The following RC3H2 variants were observed in gnomAD, a reference collection of about 807,000 sequenced individuals.
RC3H2 encodes roquin-2.
Under a neutral mutation model 133.3 loss-of-function variants are expected in RC3H2, and 31 were observed. The observed-to-expected ratio is 0.23, with a 90% CI of 0.17 to 0.31. RC3H2 has a LOEUF of 0.31. Ranked by LOEUF, RC3H2 falls within the 10% of genes least tolerant of loss-of-function variation. The pLI is 1.00. For synonymous variants in RC3H2, 517 were observed against 502.2 expected (o/e 1.03, Z -0.40); for missense variants, 1,175 against 1,437.2 (o/e 0.82, Z 2.95).
chr9:122,864,912 C>T (rs190060816), intron 10 of RC3H2, among the ~76,000 whole-genome samples: 145 of 152,220 alleles, frequency 9.5e-4, no homozygotes, highest in Admixed American at 3.0e-3. Context: ...GTGTGAACCA[C>T]TGCACCCGGC....
At chr9:122,866,907 TCTGGAAAGTGAGAAGCGTCTGCCCGGC>T (rs1214659645) in intron 9 of RC3H2, among the ~76,000 whole-genome samples, 2 of 143,364 alleles carry the variant, frequency 1.4e-5, no homozygotes, top group Non-Finnish European at 3.0e-5. Context: ...GGCTGCCCAG[TCTGGAAAGTGAGAAGCGTCTGCCCGGC>T]CGCCATCCCA....
intron 16 of RC3H2, 43 bp from the exon 17 acceptor site, chr9:122,854,309 T>A: frequency 2.7e-6 from 4 of 1,487,194 alleles, no homozygotes; most frequent in Admixed American, 1.7e-5. Context: ...GTGAAGTGAA[T>A]GAAGCAACAA....
chr9:122,867,580 G>A (rs1830765844), intron 9 of RC3H2, among the ~76,000 whole-genome samples: 2 of 120,898 alleles, frequency 1.7e-5, no homozygotes, highest in African/African-American at 3.0e-5. Flanking sequence ...TGGAAAGTGA[G>A]AAGCGTCTGC....
At chr9:122,882,135 TATC>T (rs1379834664) in intron 5 of RC3H2, among the ~76,000 whole-genome samples, 3 of 152,134 alleles carry the variant, frequency 2.0e-5, no homozygotes, top group African/African-American at 7.2e-5. Context: ...CCAGAGAAAT[TATC>T]ATCAGGGTAT....
rs1165207939 is a variant in RC3H2, at chr9:122,854,205, A to G, written c.2962T>C (p.Leu988=). 1 of 1,613,990 alleles carries G rather than the reference A, an allele frequency of 6.2e-7. No individual in the cohort carries two copies. Among genetic ancestry groups the G allele is most frequent in the Non-Finnish European group, 8.5e-7 (1 of 1,179,972 alleles). The part of the protein sequence containing the change: ...HRKHSSTGDL[L]SLELQQAKSN... Reference sequence around the variant, plus strand: ...CCTACCTGCTGAAGTTCAAGGCTCAAAAGGTCCCCAGTACTGGAATGCTTT... The same window carrying G: ...CCTACCTGCTGAAGTTCAAGGCTCAGAAGGTCCCCAGTACTGGAATGCTTT... Residue 988 remains leucine (L), a synonymous_variant, in exon 17 of 21, where the codon TTG becomes CTG. Transcript: ENST00000357244.
chr9:122,850,130 C>A lies in RC3H2; in HGVS notation c.3381-308G>T, dbSNP rs370280917. Among the ~76,000 whole-genome samples, 3 of 152,056 alleles carry A rather than the reference C, an allele frequency of 2.0e-5. No individual in the cohort carries two copies. In the East Asian group the frequency reaches 5.8e-4, roughly 30 times the overall value. ...TAGCTGGGATTACAGGCATGTGCCA[C>A]CACGCCCAGCTATTTTGTATTTTTA... On this transcript the variant is annotated intron_variant, in intron 20 of 20. Transcript: ENST00000357244.
In RC3H2 at chr9:122,849,779, G is replaced by C. The variant is rs1356717209; in HGVS notation, c.3424C>G (p.Gln1142Glu). Residue 1142 changes from glutamine to glutamate, a missense_variant, in exon 21 of 21, where the codon CAG becomes GAG. Physicochemically the swap from Gln to Glu is conservative, Grantham distance 29. Around this residue, in one of 8 missense-constraint regions of RC3H2, gnomAD observed 220 missense variants for 201.1 expected, o/e 1.09. Coordinates refer to ENST00000357244, the MANE Select transcript of RC3H2 (RefSeq NM_001100588.3). ...TILPVTSCFS[Q>E]PLPVSISNAS... Reference sequence around the variant, plus strand: ...TTGCTAATAGACACTGGGAGTGGCTGGCTAAAGCAAGAAGTTACCGGCAGA... The same window carrying C: ...TTGCTAATAGACACTGGGAGTGGCTCGCTAAAGCAAGAAGTTACCGGCAGA... 2 of 1,585,018 alleles carry C rather than the reference G, an allele frequency of 1.3e-6. No homozygotes were observed. Among genetic ancestry groups the C allele is most frequent in the Non-Finnish European group, 1.7e-6 (2 of 1,167,252 alleles).
At chr9:122,861,683 C>A (rs893537819) in intron 10 of RC3H2, among the ~76,000 whole-genome samples, 1 of 152,072 alleles carries the variant, frequency 6.6e-6, no homozygotes, top group Non-Finnish European at 1.5e-5. Flanking sequence ...TACATTGCAT[C>A]TCAACCAGAT....
chr9:122,879,868 C>T lies in RC3H2; in HGVS notation c.1099G>A (p.Val367Ile). ...TCCAGCTGCTCCCAAGTTGGTGAAA[C>T]AGCGTCTAAAATAAGCCACCAAGGG... ...LANIDPNPDAVSPTWEQLENA... is the reference protein window; with the variant it reads ...LANIDPNPDAISPTWEQLENA... Residue 367 changes from valine to isoleucine, a missense_variant, in exon 8 of 21, where the codon GTT becomes ATT. This residue lies in a region of RC3H2 where 131 missense variants were observed against 154.2 expected (regional missense o/e 0.85). Coordinates refer to ENST00000357244, the MANE Select transcript of RC3H2 (RefSeq NM_001100588.3). 6.2e-7 allele frequency: 1 copy of T among 1,613,966 alleles called. No homozygotes were observed. The highest frequency in any genetic ancestry group is 2.2e-5 in the East Asian group (1 of 44,884).
intron 9 of RC3H2, among the ~76,000 whole-genome samples, chr9:122,873,307 G>C (rs945898938): frequency 2.0e-5 from 3 of 152,172 alleles, no homozygotes; most frequent in Non-Finnish European, 2.9e-5. Context: ...AACAGCAATA[G>C]AGTGTGAAGC....
rs762584760 is a variant in RC3H2 at position 122,860,079 on chromosome 9, C to A, written c.1687G>T (p.Ala563Ser). Residue 563 changes from alanine to serine, a missense_variant, in exon 11 of 21, where the codon GCT (alanine) becomes TCT (serine). Ala to Ser is a moderately conservative substitution (Grantham distance 99, BLOSUM62 1). Coordinates refer to ENST00000357244, the MANE Select transcript of RC3H2 (RefSeq NM_001100588.3). ...TCTGTTCCAACATTAGAGGGCCCAG[C>A]TGAGGTAGCTGCTACATTACTTACA... ...TPVSNVAATSAGPSNVGTELN... is the reference protein window; with the variant it reads ...TPVSNVAATSSGPSNVGTELN... The A allele has an allele frequency of 1.2e-6, 2 of 1,614,118 alleles. No individual in the cohort carries two copies. Among genetic ancestry groups the A allele is most frequent in the East Asian group, 2.2e-5 (1 of 44,868 alleles).
chr9:122,875,468 T>G (rs1309784269), intron 9 of RC3H2: 1 of 1,407,714 alleles, frequency 7.1e-7, no homozygotes, highest in African/African-American at 1.4e-5. Flanking sequence ...AATTTATGCA[T>G]TGTCTGTGGC....
intron 4 of RC3H2, among the ~76,000 whole-genome samples, 181 bp from the exon 5 acceptor site, chr9:122,883,560 T>C (rs1414779102): frequency 6.6e-6 from 1 of 152,120 alleles, no homozygotes; most frequent in Non-Finnish European, 1.5e-5. Context: ...AAATAAAACA[T>C]ACTTTCCATA....
intron 2 of RC3H2, among the ~76,000 whole-genome samples, chr9:122,894,297 A>G (rs1362809556): frequency 2.0e-5 from 3 of 152,072 alleles, no homozygotes; most frequent in Non-Finnish European, 4.4e-5. Flanking sequence ...ACAAATAATT[A>G]TATTTATGGA....
intron 9 of RC3H2, among the ~76,000 whole-genome samples, chr9:122,872,942 TC>T (rs1831162751): frequency 1.3e-5 from 2 of 152,226 alleles, no homozygotes; most frequent in Non-Finnish European, 2.9e-5. Flanking sequence ...ATGTAGCAAT[TC>T]TTTGGAACAT....
Position 122,855,221 on chromosome 9 carries a change from A to G in RC3H2, c.2778T>C (p.Ala926=). The G allele has an allele frequency of 1.2e-6, 2 of 1,614,118 alleles. No homozygotes were observed. Among genetic ancestry groups the G allele is most frequent in the Non-Finnish European group, 1.7e-6 (2 of 1,180,020 alleles). Reference sequence around the variant, plus strand: ...TGGGCTTAGTCGCACTTCCTTGGGAAGCAGTGGCCTGGACAGGATCTGTGG... The same window carrying G: ...TGGGCTTAGTCGCACTTCCTTGGGAGGCAGTGGCCTGGACAGGATCTGTGG... ...YHTTDPVQAT[A]SQGSATKPIS... The change falls in exon 15 of 21, where the codon GCT becomes GCC. Residue 926 remains alanine, a synonymous_variant. Transcript: ENST00000357244.
At chr9:122,866,119 G>C (rs937576020) in intron 9 of RC3H2, among the ~76,000 whole-genome samples, 1 of 151,824 alleles carries the variant, frequency 6.6e-6, no homozygotes, top group Non-Finnish European at 1.5e-5. Context: ...AACTGTAAAA[G>C]GATTATATAA....
intron 18 of RC3H2, 80 bp from the exon 19 acceptor site, chr9:122,851,516 C>T: frequency 1.3e-6 from 2 of 1,533,020 alleles, no homozygotes; most frequent in Non-Finnish European, 1.8e-6. Context: ...CTCCCTCTCC[C>T]TCTCTTTCCA....
intron 3 of RC3H2, among the ~76,000 whole-genome samples, chr9:122,891,133 C>T (rs1224869248): frequency 6.6e-6 from 1 of 151,068 alleles, no homozygotes; most frequent in African/African-American, 2.4e-5. Context: ...AATTCTCCTG[C>T]CTCAGCCTCC....
Sources: gnomAD v4.1 joint callset for allele counts (sites outside exome capture counted in the v4.1 genomes callset) on GRCh38, gnomAD v4.1.1 for gene constraint, gnomAD v4.1.1 regional missense constraint, MANE v1.5 for transcripts, NCBI Gene and HGNC (gene_info 2026-07-23, HGNC 2026-07-21) for gene names.